The following ZC3H12B variants were observed in gnomAD, a reference collection of about 807,000 sequenced individuals.
ZC3H12B encodes probable ribonuclease ZC3H12B.
In ZC3H12B, 7 loss-of-function variants were observed where a neutral mutation model predicts 43.9. The observed-to-expected ratio is 0.16, with a 90% CI of 0.09 to 0.30. The LOEUF is 0.30. Ranked by LOEUF, ZC3H12B falls within the 10% of genes least tolerant of loss-of-function variation. The probability of loss-of-function intolerance (pLI) is 1.00; values close to 1 mark genes in which losing one functional copy is unlikely to be tolerated. For synonymous variants in ZC3H12B, 222 were observed against 241.7 expected (o/e 0.92, Z 0.76); for missense variants, 475 against 670.2 (o/e 0.71, Z 3.22).
the ZC3H12B span, among the ~76,000 whole-genome samples, chrX:65,230,425 C>A: frequency 9.2e-6 from 1 of 108,903 alleles, no homozygotes; most frequent in African/African-American, 3.4e-5. Context: ...AGGAGATATA[C>A]CTAATGCTAA....
At chrX:65,126,047 G>A in the ZC3H12B span, among the ~76,000 whole-genome samples, 1 of 88,339 alleles carries the variant, frequency 1.1e-5, no homozygotes, top group Non-Finnish European at 2.0e-5. Flanking sequence ...GTTTGTGTGT[G>A]TGTTTTTTTT....
chrX:65,301,560 C>T, the ZC3H12B span, among the ~76,000 whole-genome samples: 1 of 110,777 alleles, frequency 9.0e-6, no homozygotes, highest in African/African-American at 3.3e-5. Flanking sequence ...TTGCAGAAAC[C>T]TGGAATAGTA....
At chrX:65,156,033 T>A in the ZC3H12B span, among the ~76,000 whole-genome samples, 46 of 111,323 alleles carry the variant, frequency 4.1e-4, 1 homozygote, top group Non-Finnish European at 1.3e-4. Flanking sequence ...TAGTCAAGGT[T>A]TTAATTTCTC....
chrX:65,157,758 C>T, the ZC3H12B span, among the ~76,000 whole-genome samples: 1 of 89,081 alleles, frequency 1.1e-5, no homozygotes, highest in East Asian at 2.9e-4. Flanking sequence ...TTCTACCTTT[C>T]CCTTTTCTTT....
the ZC3H12B span, among the ~76,000 whole-genome samples, chrX:65,233,632 T>C: frequency 0.13 from 14,688 of 109,769 alleles, 2,377 homozygotes; most frequent in African/African-American, 0.45. Context: ...ACAATAAACA[T>C]CTACATATTA....
chrX:65,488,337 C>T (rs2068156146), upstream of ZC3H12B, among the ~76,000 whole-genome samples: 1 of 105,719 alleles, frequency 9.5e-6, no homozygotes, highest in South Asian at 4.3e-4. Flanking sequence ...TTCTTGTTCT[C>T]CAAATTGTTG....
the ZC3H12B span, among the ~76,000 whole-genome samples, chrX:65,194,826 T>C: frequency 8.9e-6 from 1 of 112,339 alleles, no homozygotes; most frequent in Non-Finnish European, 1.9e-5. Context: ...AATAATTTAT[T>C]GCTTTATATA....
At chrX:65,142,922 T>G in the ZC3H12B span, among the ~76,000 whole-genome samples, 1 of 112,274 alleles carries the variant, frequency 8.9e-6, no homozygotes, top group African/African-American at 3.2e-5. Flanking sequence ...TAGTTTGAAA[T>G]CAGGTAATGT....
intron 2 of ZC3H12B, among the ~76,000 whole-genome samples, chrX:65,383,900 A>C (rs1487495787): frequency 9.7e-6 from 1 of 102,705 alleles, no homozygotes; most frequent in Admixed American, 1.1e-4. Flanking sequence ...GAGAAATAGG[A>C]ACACTTTTAC....
At chrX:65,291,450 A>T in the ZC3H12B span, among the ~76,000 whole-genome samples, 2 of 112,243 alleles carry the variant, frequency 1.8e-5, no homozygotes, top group African/African-American at 6.5e-5. Context: ...CACACAATGG[A>T]ATATTATTCA....
At chrX:65,438,056 T>C (rs1156852364) in intron 3 of ZC3H12B, among the ~76,000 whole-genome samples, 1 of 112,026 alleles carries the variant, frequency 8.9e-6, no homozygotes, top group Non-Finnish European at 1.9e-5. Flanking sequence ...ATTTCTGGTT[T>C]CTCTATTCTG....
chrX:65,211,761 A>G, the ZC3H12B span, among the ~76,000 whole-genome samples: 1 of 83,800 alleles, frequency 1.2e-5, no homozygotes, highest in Non-Finnish European at 2.1e-5. Context: ...TATATTATAT[A>G]TAATGTATGT....
intron 3 of ZC3H12B, among the ~76,000 whole-genome samples, chrX:65,445,348 T>C (rs910595363): frequency 7.1e-5 from 8 of 112,392 alleles, no homozygotes; most frequent in African/African-American, 1.9e-4. Context: ...CTCATCTTTC[T>C]GGAGAAGGCT....
the ZC3H12B span, among the ~76,000 whole-genome samples, chrX:65,229,173 T>C: frequency 9.0e-6 from 1 of 110,936 alleles, no homozygotes; most frequent in South Asian, 3.9e-4. Context: ...ATGGTACTGG[T>C]ACCAAAACAG....
chrX:65,187,976 G>A, the ZC3H12B span, among the ~76,000 whole-genome samples: 5 of 110,147 alleles, frequency 4.5e-5, no homozygotes, highest in Admixed American at 9.8e-5. Context: ...CTCAGCCTTT[G>A]GTAACCATCA....
the ZC3H12B span, among the ~76,000 whole-genome samples, chrX:65,285,500 C>A: frequency 9.0e-6 from 1 of 111,013 alleles, no homozygotes; most frequent in African/African-American, 3.3e-5. Flanking sequence ...AAAAGTAAAC[C>A]CCATCAGACT....
the ZC3H12B span, among the ~76,000 whole-genome samples, chrX:65,349,941 G>A: frequency 8.9e-6 from 1 of 111,955 alleles, no homozygotes; most frequent in Non-Finnish European, 1.9e-5. Flanking sequence ...AAGAGGAGCT[G>A]GTACCATTCC....
the ZC3H12B span, among the ~76,000 whole-genome samples, chrX:65,228,272 A>G: frequency 1.8e-5 from 2 of 112,125 alleles, no homozygotes; most frequent in Non-Finnish European, 3.8e-5. Flanking sequence ...AACAGAAACA[A>G]AGACAAAAAC....
chrX:65,426,982 G>A (rs1295099732), intron 3 of ZC3H12B, among the ~76,000 whole-genome samples: 1 of 111,608 alleles, frequency 9.0e-6, no homozygotes, highest in Admixed American at 9.5e-5. Context: ...AGGTCTACTT[G>A]ATCCAGAGCT....
Sources: allele counts gnomAD v4.1 joint callset (sites outside exome capture counted in the v4.1 genomes callset), GRCh38; gene constraint gnomAD v4.1.1; transcripts MANE v1.5; gene names NCBI Gene and HGNC (gene_info 2026-07-23, HGNC 2026-07-21).